Variants in COL25A1 observed in about 807,000 individuals in gnomAD.
The protein encoded by COL25A1 is collagen alpha-1(XXV) chain.
Under a neutral mutation model 128.4 loss-of-function variants are expected in COL25A1, and 103 were observed. The ratio of observed to expected loss-of-function variants is 0.80; its 90% confidence interval spans 0.68 to 0.94. The LOEUF is 0.94. Ranked by LOEUF, COL25A1 falls within the 40% of genes least tolerant of loss-of-function variation. The pLI, the probability that COL25A1 is intolerant of heterozygous loss-of-function variation, is 0.00. For missense variants in COL25A1, 745 were observed against 840.0 expected (o/e 0.89, Z 1.40); for synonymous variants, 279 against 277.2 (o/e 1.01, Z -0.06).
Position 108,811,824 on chromosome 4 carries a change from AAATTT to A in COL25A1, c.*2098_*2102del, listed in dbSNP as rs1202935139. ...TAGTTTAAACATCTTTCAACCTTAA[AAATTT>A]AATAGAAAAAAAAGAAGATGCCATT... On this transcript the variant is annotated 3_prime_UTR_variant, in exon 38 of 38. Coordinates refer to ENST00000399132, the MANE Select transcript of COL25A1 (RefSeq NM_198721.4). 1 of 152,150 alleles carries A rather than the reference AAATTT, an allele frequency of 6.6e-6. No homozygotes were observed. Among genetic ancestry groups the A allele is most frequent in the Non-Finnish European group, 1.5e-5 (1 of 67,992 alleles). 9.4% of individuals were successfully genotyped at this position (152,150 alleles called of 1,614,324 possible). A position where few individuals can be genotyped will look rare whatever the true frequency, so the allele number is the denominator to read the frequency against.
intron 3 of COL25A1, among the ~76,000 whole-genome samples, chr4:109,158,305 T>C (rs1459383547): frequency 6.6e-6 from 1 of 151,912 alleles, no homozygotes; most frequent in African/African-American, 2.4e-5. Context: ...AATGCCAATG[T>C]TTTAAAGATA....
At chr4:108,817,462 C>T (rs1731350015) in intron 36 of COL25A1, 27 bp from the exon 37 acceptor site, 1 of 1,608,916 alleles carries the variant, frequency 6.2e-7, no homozygotes, top group Non-Finnish European at 8.5e-7. Flanking sequence ...AAAAAGAATT[C>T]CTCAGGTTCC....
chr4:108,955,590 C>T (rs1372235151), intron 8 of COL25A1, among the ~76,000 whole-genome samples: 2 of 151,856 alleles, frequency 1.3e-5, no homozygotes, highest in Non-Finnish European at 2.9e-5. Context: ...AAAGTCAATC[C>T]AAGGATTAAC....
chr4:109,226,136 T>G (rs532243209), intron 3 of COL25A1, among the ~76,000 whole-genome samples: 1 of 152,056 alleles, frequency 6.6e-6, no homozygotes, highest in African/African-American at 2.4e-5. Context: ...AAACAGAAAT[T>G]CAAAAACCAC....
chr4:109,088,279 A>G (rs1244833505), intron 3 of COL25A1, among the ~76,000 whole-genome samples: 1 of 152,150 alleles, frequency 6.6e-6, no homozygotes, highest in African/African-American at 2.4e-5. Flanking sequence ...AATTAGAGTA[A>G]TTATGTCTCC....
chr4:109,125,669 G>A (rs1768526776), intron 3 of COL25A1, among the ~76,000 whole-genome samples: 1 of 152,154 alleles, frequency 6.6e-6, no homozygotes, highest in Admixed American at 6.6e-5. Flanking sequence ...TATTATTGTT[G>A]TAATGGTGAT....
intron 6 of COL25A1, among the ~76,000 whole-genome samples, chr4:108,980,461 T>C (rs1028256018): frequency 3.9e-5 from 6 of 152,354 alleles, no homozygotes; most frequent in Middle Eastern, 3.4e-3. Flanking sequence ...TGGTTCAACG[T>C]AGATGAACAC....
intron 3 of COL25A1, among the ~76,000 whole-genome samples, chr4:109,200,194 C>G (rs1489396918): frequency 2.0e-5 from 3 of 152,208 alleles, no homozygotes; most frequent in African/African-American, 7.2e-5. Context: ...CCAGCAGCTC[C>G]TTTCACACAA....
intron 3 of COL25A1, among the ~76,000 whole-genome samples, chr4:109,089,928 C>A (rs1018622746): frequency 1.3e-5 from 2 of 151,532 alleles, no homozygotes; most frequent in African/African-American, 2.4e-5. Context: ...ATAATTGCTA[C>A]ATAGGACTTT....
intron 8 of COL25A1, among the ~76,000 whole-genome samples, chr4:108,967,249 G>T (rs1751419124): frequency 6.6e-6 from 1 of 152,182 alleles, no homozygotes; most frequent in African/African-American, 2.4e-5. Flanking sequence ...CTCAATTAAA[G>T]TATCCTTATT....
intron 3 of COL25A1, among the ~76,000 whole-genome samples, chr4:109,121,022 T>G (rs1206383327): frequency 2.6e-5 from 4 of 152,052 alleles, no homozygotes; most frequent in Non-Finnish European, 5.9e-5. Flanking sequence ...GACATCAATT[T>G]TTCCCATCTT....
chr4:109,257,065 A>G (rs184189460), intron 3 of COL25A1, among the ~76,000 whole-genome samples: 3 of 152,322 alleles, frequency 2.0e-5, no homozygotes, highest in Admixed American at 2.0e-4. Context: ...ACTTTTCACA[A>G]TAGTATCTGT....
chr4:109,163,441 C>A (rs939055055), intron 3 of COL25A1, among the ~76,000 whole-genome samples: 8 of 152,060 alleles, frequency 5.3e-5, no homozygotes, highest in African/African-American at 1.9e-4. Context: ...AGAGAATATG[C>A]AAGGTGGGAC....
At chr4:109,004,546 G>C (rs1755783406) in intron 6 of COL25A1, among the ~76,000 whole-genome samples, 1 of 152,124 alleles carries the variant, frequency 6.6e-6, no homozygotes, top group African/African-American at 2.4e-5. Context: ...GTTGGAGGTA[G>C]AGCCTGGTGG....
intron 3 of COL25A1, among the ~76,000 whole-genome samples, chr4:109,289,758 C>T (rs946556130): frequency 6.6e-6 from 1 of 152,038 alleles, no homozygotes; most frequent in Non-Finnish European, 1.5e-5. Context: ...ATAGAACATC[C>T]TCTGTTTTTG....
intron 3 of COL25A1, among the ~76,000 whole-genome samples, chr4:109,073,440 C>T (rs141237495): frequency 6.6e-6 from 1 of 152,316 alleles, no homozygotes; most frequent in East Asian, 1.9e-4. Context: ...GCTCCTCCAC[C>T]TGGTGTGTAT....
At chr4:109,140,788 C>A (rs1035136292) in intron 3 of COL25A1, among the ~76,000 whole-genome samples, 11 of 152,130 alleles carry the variant, frequency 7.2e-5, no homozygotes, top group Non-Finnish European at 2.9e-5. Context: ...GACTTTGTAT[C>A]CTGAGACTTT....
intron 3 of COL25A1, among the ~76,000 whole-genome samples, chr4:109,227,353 G>C (rs141386141): frequency 1.3e-5 from 2 of 152,152 alleles, no homozygotes. Context: ...GAAATACATA[G>C]CATAATGAAT....
intron 3 of COL25A1, among the ~76,000 whole-genome samples, chr4:109,060,714 C>A (rs1398407744): frequency 1.3e-5 from 2 of 150,792 alleles, no homozygotes; most frequent in Non-Finnish European, 2.9e-5. Context: ...AAAAACATTA[C>A]CTTCTTGGCA....
Sources: gnomAD v4.1 joint callset for allele counts (sites outside exome capture counted in the v4.1 genomes callset) on GRCh38, gnomAD v4.1.1 for gene constraint, MANE v1.5 for transcripts, NCBI Gene and HGNC (gene_info 2026-07-23, HGNC 2026-07-21) for gene names.